Variants in RTN4 observed in about 807,000 individuals in gnomAD.
RTN4 encodes reticulon-4.
A neutral mutation model predicts 90.4 loss-of-function variants in RTN4; 32 were observed. That is an observed-to-expected ratio of 0.35 (90% CI 0.27 to 0.48). The LOEUF (loss-of-function observed/expected upper bound fraction) is 0.48, where lower values mean the gene tolerates loss of function less well. Ranked by LOEUF, RTN4 falls within the 20% of genes least tolerant of loss-of-function variation. RTN4 has a pLI of 0.99. For synonymous variants in RTN4, 629 were observed against 552.5 expected (o/e 1.14, Z -1.94); for missense variants, 1,706 against 1,430.2 (o/e 1.19, Z -3.11).
chr2:55,069,597 C>A (rs2968828), intron 2 of RTN4, among the ~76,000 whole-genome samples: 10,427 of 152,246 alleles, frequency 0.068, 475 homozygotes, highest in Middle Eastern at 0.13. Flanking sequence ...GGAAAATTCA[C>A]CTGTGAGTTT....
chr2:54,984,748 C>G (rs11899295), intron 4 of RTN4, among the ~76,000 whole-genome samples: 4,765 of 152,284 alleles, frequency 0.031, 250 homozygotes, highest in African/African-American at 0.11. Flanking sequence ...AACTGTCCAA[C>G]AAGCTTAAAC....
intron 1 of RTN4, among the ~76,000 whole-genome samples, chr2:55,029,381 C>T (rs913807389): frequency 1.2e-4 from 18 of 152,062 alleles, no homozygotes; most frequent in South Asian, 6.2e-4. Flanking sequence ...TCATCTTGTA[C>T]CTGCAGTTGG....
intron 1 of RTN4, among the ~76,000 whole-genome samples, chr2:55,106,280 T>C (rs968103516): frequency 6.6e-6 from 1 of 152,090 alleles, no homozygotes; most frequent in African/African-American, 2.4e-5. Context: ...CTACCCTGAA[T>C]TTCTTGCCCT....
intron 1 of RTN4, among the ~76,000 whole-genome samples, chr2:55,102,821 A>C (rs1215973216): frequency 6.6e-6 from 1 of 152,144 alleles, no homozygotes; most frequent in Non-Finnish European, 1.5e-5. Flanking sequence ...TTATTAATCT[A>C]AGAAGTTACT....
chr2:55,136,851 T>C, the RTN4 span, among the ~76,000 whole-genome samples: 1 of 152,228 alleles, frequency 6.6e-6, no homozygotes, highest in Non-Finnish European at 1.5e-5. Flanking sequence ...GACTGCCTAC[T>C]TAATTGAATT....
intron 1 of RTN4, among the ~76,000 whole-genome samples, chr2:55,112,329 G>A (rs1668053101): frequency 1.3e-5 from 2 of 152,196 alleles, no homozygotes; most frequent in African/African-American, 4.8e-5. Flanking sequence ...TTTTACAGGT[G>A]AGGAAACCAG....
At chr2:55,017,609 A>G (rs556629888) in intron 3 of RTN4, among the ~76,000 whole-genome samples, 1 of 152,316 alleles carries the variant, frequency 6.6e-6, no homozygotes, top group African/African-American at 2.4e-5. Flanking sequence ...AGCAACCAAC[A>G]AACATATATT....
upstream of RTN4, among the ~76,000 whole-genome samples, chr2:55,054,906 A>G (rs1015167111): frequency 1.3e-5 from 2 of 152,196 alleles, no homozygotes; most frequent in African/African-American, 4.8e-5. Flanking sequence ...AATGCAGTTC[A>G]TGGTTCTGTT....
chr2:55,084,326 A>T (rs1573507062), intron 1 of RTN4, among the ~76,000 whole-genome samples: 1 of 145,216 alleles, frequency 6.9e-6, no homozygotes, highest in East Asian at 2.1e-4. Context: ...TTTTAAATAG[A>T]GGTGGGGTCT....
At chr2:55,069,701 G>A (rs556574068) in intron 2 of RTN4, among the ~76,000 whole-genome samples, 1 of 152,194 alleles carries the variant, frequency 6.6e-6, no homozygotes, top group Non-Finnish European at 1.5e-5. Context: ...GTCTCCCAGA[G>A]AGGCCCAACC....
At position 55,049,981 on chromosome 2, in the gene RTN4, G is replaced by C. The variant is rs1668008884; in HGVS notation, c.320C>G (p.Ser107Cys). 2.2e-6 allele frequency: 3 copies of C among 1,375,250 alleles called. No homozygotes were observed. The highest frequency in any genetic ancestry group is 1.5e-5 in the African/African-American group (1 of 65,602). 85.2% of individuals were successfully genotyped at this position (1,375,250 alleles called of 1,614,324 possible). The part of the protein sequence containing the change: ...APPVAPERQP[S>C]WDPSPVSSTV... ...CGACGACACCGGGCTCGGGTCCCAA[G>C]ACGGCTGCCGCTCCGGGGCGACGGG... Residue 107 changes from serine (S) to cysteine (C), a missense_variant, in exon 1 of 9, where the codon TCT (serine) becomes TGT (cysteine). Transcript: ENST00000337526.
intron 3 of RTN4, among the ~76,000 whole-genome samples, chr2:54,999,327 C>A (rs983005188): frequency 2.0e-5 from 3 of 152,148 alleles, no homozygotes; most frequent in African/African-American, 7.2e-5. Context: ...TCTGCCATAG[C>A]TAAAAATAGT....
intron 3 of RTN4, among the ~76,000 whole-genome samples, chr2:55,017,402 A>C (rs17046594): frequency 0.27 from 41,454 of 152,032 alleles, 6,032 homozygotes; most frequent in Non-Finnish European, 0.33. Context: ...TTACCTAGAC[A>C]AACAAGCCCT....
At chr2:55,049,679 TG>T (rs1558854840) in intron 1 of RTN4, 65 bp downstream of exon 1, 2 of 1,498,130 alleles carry the variant, frequency 1.3e-6, no homozygotes, top group South Asian at 1.3e-5. Flanking sequence ...CCAAAGCATC[TG>T]GGGCTGCACA....
intron 1 of RTN4, among the ~76,000 whole-genome samples, chr2:55,096,927 G>T (rs1667743263): frequency 6.6e-6 from 1 of 151,954 alleles, no homozygotes; most frequent in African/African-American, 2.4e-5. Context: ...ATGGATAATT[G>T]CAAGGTTGTT....
chr2:55,007,520 C>T (rs1680316224), intron 3 of RTN4, among the ~76,000 whole-genome samples: 1 of 152,110 alleles, frequency 6.6e-6, no homozygotes, highest in South Asian at 2.1e-4. Context: ...CTGGGCAGCA[C>T]GCAAATGAGG....
At chr2:55,053,425 G>A (rs1483987474), upstream of RTN4, among the ~76,000 whole-genome samples, 2 of 152,138 alleles carry the variant, frequency 1.3e-5, no homozygotes, top group Non-Finnish European at 2.9e-5. Flanking sequence ...CGTGACTCAT[G>A]CCTATAATCC....
At chr2:55,011,522 C>T (rs1680639160) in intron 3 of RTN4, among the ~76,000 whole-genome samples, 2 of 151,960 alleles carry the variant, frequency 1.3e-5, no homozygotes, top group Non-Finnish European at 2.9e-5. Flanking sequence ...ATGCAATTTG[C>T]GAAAATACTA....
intron 2 of RTN4, among the ~76,000 whole-genome samples, chr2:55,078,027 G>A (rs1032070768): frequency 2.7e-5 from 4 of 150,908 alleles, no homozygotes; most frequent in African/African-American, 7.3e-5. Context: ...GGATTCAGGG[G>A]AAAGGGTGGG....
Sources: allele counts gnomAD v4.1 joint callset (sites outside exome capture counted in the v4.1 genomes callset), GRCh38; gene constraint gnomAD v4.1.1; transcripts MANE v1.5; gene names NCBI Gene and HGNC (gene_info 2026-07-23, HGNC 2026-07-21).